The following UACA variants were observed in gnomAD, a reference collection of about 807,000 sequenced individuals.
The protein encoded by UACA is nuclear membrane binding protein.
A neutral mutation model predicts 160.5 loss-of-function variants in UACA; 112 were observed. The ratio of observed to expected loss-of-function variants is 0.70; its 90% CI spans 0.60 to 0.82. The LOEUF is 0.82. UACA is among the 40% of genes least tolerant of loss of function. The pLI is 0.00. For synonymous variants in UACA, 557 were observed against 568.4 expected, an observed-to-expected ratio of 0.98 and a Z score of 0.29; for missense variants, 1,574 against 1,614.6, an observed-to-expected ratio of 0.97 and a Z score of 0.43.
chr15:70,742,832 A>G (rs1899579901), intron 1 of UACA, among the ~76,000 whole-genome samples: 1 of 152,102 alleles, frequency 6.6e-6, no homozygotes, highest in East Asian at 1.9e-4. Flanking sequence ...TTGCATATCA[A>G]TTTTCTATTG....
chr15:70,769,607 C>G, the UACA span, among the ~76,000 whole-genome samples: 1 of 151,774 alleles, frequency 6.6e-6, no homozygotes, highest in Non-Finnish European at 1.5e-5. Flanking sequence ...TTTAAATGTG[C>G]TATTTGGAAT....
chr15:70,724,966 C>T (rs1009820212), intron 1 of UACA, among the ~76,000 whole-genome samples: 3 of 151,848 alleles, frequency 2.0e-5, no homozygotes, highest in African/African-American at 7.3e-5. Context: ...TGGCAAGCAC[C>T]TTGTAGTCCT....
intron 2 of UACA, among the ~76,000 whole-genome samples, chr15:70,698,553 A>C (rs1898215286): frequency 6.6e-6 from 1 of 152,190 alleles, no homozygotes; most frequent in Admixed American, 6.5e-5. Flanking sequence ...CTTAAAAACT[A>C]CTTAATTTAT....
intron 13 of UACA, among the ~76,000 whole-genome samples, chr15:70,675,335 A>G (rs983510610): frequency 6.6e-6 from 1 of 152,368 alleles, no homozygotes; most frequent in Non-Finnish European, 1.5e-5. Context: ...CTACAGCTAG[A>G]TCATTCTTTG....
intron 1 of UACA, chr15:70,749,198 G>A (rs1424889125): frequency 8.9e-6 from 4 of 447,252 alleles, no homozygotes; most frequent in South Asian, 6.4e-5. Context: ...TCTTTCAAAT[G>A]TTATGTATGT....
Position 70,687,624 on chromosome 15 carries a change from A to G in UACA, c.518T>C (p.Leu173Pro). 6.2e-7 allele frequency: 1 copy of G among 1,613,954 alleles called. No homozygotes were observed. The change falls in exon 7 of 19, where the codon CTG becomes CCG. Residue 173 changes from leucine to proline, a missense_variant. By Grantham distance (98) the Leu-to-Pro change is moderately conservative. Transcript: ENST00000322954. ...TGTTGGCCTACTCATCTGAGTAGCCAGAACAAGTGGTGTCCGCCCGTCCTA... is the reference window on the plus strand; with the variant it reads ...TGTTGGCCTACTCATCTGAGTAGCCGGAACAAGTGGTGTCCGCCCGTCCTA... Reference protein sequence around the residue: ...KDVDGRTPLVLATQMSRPTIC... With the variant: ...KDVDGRTPLVPATQMSRPTIC...
At chr15:70,692,268 C>T (rs1432300064) in intron 3 of UACA, among the ~76,000 whole-genome samples, 1 of 152,124 alleles carries the variant, frequency 6.6e-6, no homozygotes, top group African/African-American at 2.4e-5. Context: ...CTCAAGCGAT[C>T]CTCACAGCTC....
chr15:70,709,845 T>G (rs1898629350), intron 1 of UACA, among the ~76,000 whole-genome samples: 1 of 152,210 alleles, frequency 6.6e-6, no homozygotes, highest in African/African-American at 2.4e-5. Flanking sequence ...AGGTAACTAG[T>G]TTTAGCCTAA....
chr15:70,774,088 A>C, the UACA span, among the ~76,000 whole-genome samples: 9 of 152,348 alleles, frequency 5.9e-5, no homozygotes, highest in African/African-American at 2.2e-4. Flanking sequence ...ATTACTACAC[A>C]ATCACTAAAG....
rs1226748397 is a variant in UACA at position 70,668,484 on chromosome 15, G to A, written c.2200C>T (p.His734Tyr). 6.2e-7 allele frequency: 1 copy of A among 1,612,162 alleles called. No individual in the cohort carries two copies. Residue 734 changes from histidine to tyrosine, a missense_variant, in exon 16 of 19, where the codon CAT becomes TAT. Physicochemically the swap from His to Tyr is moderately conservative, Grantham distance 83. Coordinates refer to ENST00000322954, the MANE Select transcript of UACA (RefSeq NM_018003.4). ...TTTTTCATTTCAATTGTTAAGTTAT[G>A]TGCTTGCTCCTTGAGGAGCTTATTA... ...LDNKLLKEQA[H>Y]NLTIEMKNHY...
chr15:70,704,005 T>G (rs1898455018), intron 1 of UACA, among the ~76,000 whole-genome samples: 1 of 152,180 alleles, frequency 6.6e-6, no homozygotes, highest in Non-Finnish European at 1.5e-5. Context: ...TTTACTTTTC[T>G]GCAGGGAGCT....
Position 70,747,545 on chromosome 15 carries a change from A to T in UACA, c.78+15785T>A, listed in dbSNP as rs555179096. Among the ~76,000 whole-genome samples the T allele has an allele frequency of 1.1e-3, 163 of 152,204 alleles. 1 individual carries two copies. Among genetic ancestry groups the T allele is most frequent in the African/African-American group, 3.9e-3 (163 of 41,528 alleles). ...TGGCTAATTTTTTTTAAGATGGGGTACATTTCCATTTATATTGTTTTAAAG... is the reference window on the plus strand; with the variant it reads ...TGGCTAATTTTTTTTAAGATGGGGTTCATTTCCATTTATATTGTTTTAAAG... On this transcript the variant is annotated intron_variant, in intron 1 of 18. Transcript: ENST00000322954.
At chr15:70,694,490 T>C (rs1566979415) in intron 3 of UACA, among the ~76,000 whole-genome samples, 1 of 152,180 alleles carries the variant, frequency 6.6e-6, no homozygotes, top group Non-Finnish European at 1.5e-5. Context: ...GCGACTTAGC[T>C]ACTGAAGGGC....
chr15:70,690,491 A>G lies in UACA; in HGVS notation c.387T>C (p.His129=), dbSNP rs1595890820. 1.2e-6 allele frequency: 2 copies of G among 1,613,156 alleles called. No individual in the cohort carries two copies. The highest frequency in any genetic ancestry group is 1.7e-4 in the Middle Eastern group (1 of 6,052). Residue 129 remains histidine (H), a synonymous_variant, in exon 5 of 19, where the codon CAT becomes CAC. Transcript: ENST00000322954. ...KLLQYNCPTE[H]ADLQGRTALH... Reference sequence around the variant, plus strand: ...GTGCAGTTCTTCCCTGCAGGTCTGCATGCTCAGTGGGACAATTGTACTGTT... The same window carrying G: ...GTGCAGTTCTTCCCTGCAGGTCTGCGTGCTCAGTGGGACAATTGTACTGTT...
intron 4 of UACA, 58 bp from the exon 5 acceptor site, chr15:70,690,569 C>G: frequency 7.4e-7 from 1 of 1,359,442 alleles, no homozygotes; most frequent in Non-Finnish European, 1.0e-6. Flanking sequence ...AATTAGATAT[C>G]CAGACTCAGA....
chr15:70,773,607 G>A, the UACA span, among the ~76,000 whole-genome samples: 2 of 152,080 alleles, frequency 1.3e-5, no homozygotes, highest in Non-Finnish European at 2.9e-5. Context: ...CAGGATAAAG[G>A]CAAAAAGATG....
At position 70,667,922 on chromosome 15, in the gene UACA, T is replaced by C; in HGVS notation, c.2762A>G (p.Glu921Gly). Residue 921 changes from glutamate (E) to glycine (G), a missense_variant, in exon 16 of 19, where the codon GAG (glutamate) becomes GGG (glycine). By Grantham distance (98) the Glu-to-Gly change is moderately conservative. Coordinates refer to ENST00000322954, the MANE Select transcript of UACA (RefSeq NM_018003.4). Reference protein sequence around the residue: ...LENTQNQIKAEYISLAEHEAK... With the variant: ...LENTQNQIKAGYISLAEHEAK... ...CTCGTGCTCTGCCAGGCTGATGTACTCAGCTTTTATTTGGTTCTGAGTGTT... is the reference window on the plus strand; with the variant it reads ...CTCGTGCTCTGCCAGGCTGATGTACCCAGCTTTTATTTGGTTCTGAGTGTT... 6.2e-7 allele frequency: 1 copy of C among 1,613,938 alleles called. No homozygotes were observed. Among genetic ancestry groups the C allele is most frequent in the Non-Finnish European group, 8.5e-7 (1 of 1,179,976 alleles).
At chr15:70,773,583 G>A in the UACA span, among the ~76,000 whole-genome samples, 7 of 152,262 alleles carry the variant, frequency 4.6e-5, no homozygotes, top group South Asian at 1.5e-3. Context: ...GCTTGGACAT[G>A]TCATCCGCAG....
At chr15:70,750,667 G>C (rs775104330) in intron 1 of UACA, among the ~76,000 whole-genome samples, 1 of 152,076 alleles carries the variant, frequency 6.6e-6, no homozygotes, top group Non-Finnish European at 1.5e-5. Context: ...TCAGGCGTTC[G>C]AGACCAGCCT....
Sources: allele counts gnomAD v4.1 joint callset (sites outside exome capture counted in the v4.1 genomes callset), GRCh38; gene constraint gnomAD v4.1.1; transcripts MANE v1.5; gene names NCBI Gene and HGNC (gene_info 2026-07-23, HGNC 2026-07-21).